Variants in CDKAL1 observed in about 807,000 individuals in gnomAD.
CDKAL1 encodes the protein CDKAL1 threonylcarbamoyladenosine tRNA methylthiotransferase, also known as threonylcarbamoyladenosine tRNA methylthiotransferase.
CDKAL1 carries 32 observed loss-of-function variants against 68.2 expected under a neutral mutation model. The ratio of observed to expected loss-of-function variants is 0.47; its 90% CI spans 0.35 to 0.63. The LOEUF is 0.63. Ranked by LOEUF, CDKAL1 falls within the 30% of genes least tolerant of loss-of-function variation. The pLI, the probability that CDKAL1 is intolerant of heterozygous loss-of-function variation, is 0.00. For missense variants in CDKAL1, 606 were observed against 696.7 expected, an observed-to-expected ratio of 0.87 and a Z score of 1.47; for synonymous variants, 234 against 244.3, an observed-to-expected ratio of 0.96 and a Z score of 0.39.
intron 13 of CDKAL1, among the ~76,000 whole-genome samples, chr6:21,141,396 C>T (rs1775901427): frequency 6.6e-6 from 1 of 152,224 alleles, no homozygotes; most frequent in Admixed American, 6.5e-5. Flanking sequence ...GCACTCTGTG[C>T]TTCCCTCTGC....
intron 5 of CDKAL1, among the ~76,000 whole-genome samples, chr6:20,669,557 A>G (rs1033409935): frequency 2.6e-5 from 4 of 152,176 alleles, no homozygotes; most frequent in African/African-American, 9.7e-5. Context: ...TATGGAACTC[A>G]GCTTATACTA....
In CDKAL1 at chr6:20,847,544, A is replaced by G. The variant is rs953706587; in HGVS notation, c.742+1366A>G. ...ATCATGCATTTCTAAGTGCAACTGC[A>G]TATAATTTTTTTAAAAATCTATTTC... On this transcript the variant is annotated intron_variant, in intron 9 of 15. Coordinates refer to ENST00000274695, the MANE Select transcript of CDKAL1 (RefSeq NM_017774.3). Among the ~76,000 whole-genome samples the G allele has an allele frequency of 3.9e-5, 6 of 152,368 alleles. No individual in the cohort carries two copies. In the South Asian group the frequency reaches 1.0e-3, roughly 26 times the overall value.
chr6:21,216,350 C>G (rs1470718459), intron 15 of CDKAL1, among the ~76,000 whole-genome samples: 1 of 151,908 alleles, frequency 6.6e-6, no homozygotes, highest in African/African-American at 2.4e-5. Flanking sequence ...TCCTGTATTC[C>G]CAGCATTTTG....
chr6:21,117,935 A>T (rs1468316070), intron 13 of CDKAL1, among the ~76,000 whole-genome samples: 1 of 152,176 alleles, frequency 6.6e-6, no homozygotes. Context: ...TCAAACTTTT[A>T]TTCGTTCATT....
chr6:21,078,188 T>C (rs1485409866), intron 12 of CDKAL1, among the ~76,000 whole-genome samples: 1 of 152,224 alleles, frequency 6.6e-6, no homozygotes, highest in African/African-American at 2.4e-5. Flanking sequence ...TGCAACTATA[T>C]GAAACTTGTA....
intron 15 of CDKAL1, among the ~76,000 whole-genome samples, chr6:21,226,479 A>G (rs1167137267): frequency 1.3e-5 from 2 of 152,254 alleles, no homozygotes; most frequent in Admixed American, 6.5e-5. Flanking sequence ...CATGTTAATC[A>G]AAGTTAACAC....
chr6:20,897,167 T>C (rs1021974384), intron 9 of CDKAL1, among the ~76,000 whole-genome samples: 4 of 152,134 alleles, frequency 2.6e-5, no homozygotes, highest in Non-Finnish European at 5.9e-5. Context: ...GGGCTTCTTT[T>C]ATAAGGACAC....
At chr6:20,999,682 A>AG in intron 10 of CDKAL1, among the ~76,000 whole-genome samples, 1 of 144,792 alleles carries the variant, frequency 6.9e-6, no homozygotes. Context: ...AAAAAAAAAA[A>AG]AAAAAGAAAG....
chr6:21,062,899 A>G (rs1269525080), intron 11 of CDKAL1, among the ~76,000 whole-genome samples: 2 of 98,556 alleles, frequency 2.0e-5, no homozygotes, highest in Non-Finnish European at 3.9e-5. Context: ...TTTCATGTAG[A>G]ACTGTTTTTT....
At chr6:21,104,454 C>T (rs562707694) in intron 12 of CDKAL1, among the ~76,000 whole-genome samples, 2 of 151,830 alleles carry the variant, frequency 1.3e-5, no homozygotes, top group Admixed American at 1.3e-4. Context: ...GGTTACCTTT[C>T]TCTATAAAGG....
intron 8 of CDKAL1, among the ~76,000 whole-genome samples, chr6:20,838,115 G>T (rs1205997475): frequency 6.6e-6 from 1 of 151,450 alleles, no homozygotes; most frequent in Non-Finnish European, 1.5e-5. Context: ...AACAGTATTT[G>T]TTACTGCTTT....
At chr6:20,664,053 A>G (rs1187105127) in intron 5 of CDKAL1, among the ~76,000 whole-genome samples, 1 of 152,096 alleles carries the variant, frequency 6.6e-6, no homozygotes, top group Non-Finnish European at 1.5e-5. Context: ...GAGATTTTTT[A>G]TAGGTTGGCG....
At chr6:21,116,657 C>A (rs140861117) in intron 13 of CDKAL1, among the ~76,000 whole-genome samples, 48 of 152,184 alleles carry the variant, frequency 3.2e-4, no homozygotes, top group African/African-American at 1.1e-3. Context: ...CCCTACTTAG[C>A]AGCATATTCT....
intron 12 of CDKAL1, among the ~76,000 whole-genome samples, chr6:21,070,646 A>G (rs1433791035): frequency 6.6e-6 from 1 of 151,866 alleles, no homozygotes; most frequent in African/African-American, 2.4e-5. Context: ...CTTCAGATAT[A>G]TATTCTACTC....
intron 5 of CDKAL1, among the ~76,000 whole-genome samples, chr6:20,650,337 TG>T (rs774141854): frequency 5.9e-5 from 9 of 152,242 alleles, no homozygotes; most frequent in Non-Finnish European, 1.2e-4. Context: ...TTTTTTCATA[TG>T]TTTTTTTGCT....
intron 5 of CDKAL1, among the ~76,000 whole-genome samples, chr6:20,689,714 G>A (rs7748720): frequency 0.8 from 121,223 of 152,008 alleles, 48,427 homozygotes; most frequent in Middle Eastern, 0.84. Flanking sequence ...TTATGTTGTG[G>A]TTTTCAAAGA....
intron 8 of CDKAL1, among the ~76,000 whole-genome samples, chr6:20,831,465 G>A (rs1020477369): frequency 6.6e-6 from 1 of 152,178 alleles, no homozygotes; most frequent in Non-Finnish European, 1.5e-5. Context: ...AGTGCCAGCT[G>A]CAGGCCTTGC....
At position 20,610,017 on chromosome 6, in the gene CDKAL1, G is replaced by A. The variant is rs551282420; in HGVS notation, c.287-39276G>A. On this transcript the variant is annotated intron_variant, in intron 4 of 15. Transcript: ENST00000274695. The stretch of plus-strand genomic sequence containing the variant: ...CATCATTTAGCTCCCACTTATAAGA[G>A]AACATGCAGTATTTGGTTTTCTGTT... Among the ~76,000 whole-genome samples, 6 of 152,198 alleles carry A rather than the reference G, an allele frequency of 3.9e-5. No homozygotes were observed. The South Asian group carries it at 1.2e-3, about 32-fold the overall frequency.
chr6:20,653,763 C>T (rs749661398), intron 5 of CDKAL1, among the ~76,000 whole-genome samples: 2 of 151,914 alleles, frequency 1.3e-5, no homozygotes, highest in Non-Finnish European at 2.9e-5. Flanking sequence ...TACAGGCGTG[C>T]ACCACCACAC....
Sources: allele counts gnomAD v4.1 joint callset (sites outside exome capture counted in the v4.1 genomes callset), GRCh38; gene constraint gnomAD v4.1.1; transcripts MANE v1.5; gene names NCBI Gene and HGNC (gene_info 2026-07-23, HGNC 2026-07-21).